TENM4: variants seen among roughly 807,000 people sequenced by gnomAD.
The protein encoded by TENM4 is teneurin transmembrane protein 4, also known as teneurin-4.
In TENM4, 82 loss-of-function variants were observed where a neutral mutation model predicts 243.3. The observed-to-expected ratio is 0.34, with a 90% CI of 0.28 to 0.40. The LOEUF (loss-of-function observed/expected upper bound fraction) is 0.40. Ranked by LOEUF, TENM4 falls within the 10% of genes least tolerant of loss-of-function variation. The pLI is 1.00. For synonymous variants in TENM4, 1,412 were observed against 1,456.3 expected, an observed-to-expected ratio of 0.97 and a Z score of 0.69; for missense variants, 3,138 against 3,673.3, an observed-to-expected ratio of 0.85 and a Z score of 3.77.
intron 6 of TENM4, among the ~76,000 whole-genome samples, chr11:78,937,691 C>G (rs1399988174): frequency 6.6e-6 from 1 of 152,146 alleles, no homozygotes; most frequent in Admixed American, 6.5e-5. Context: ...ACTACCAAGC[C>G]AAAACGAAGC....
intron 33 of TENM4, 127 bp downstream of exon 33, chr11:78,661,322 C>G (rs1046302770): frequency 7.9e-7 from 1 of 1,265,068 alleles, no homozygotes; most frequent in African/African-American, 1.5e-5. Context: ...TGAACAACCT[C>G]TGGCAGGCAC....
rs201804485 is a variant in TENM4, at chr11:79,213,994, A to ATT, written c.-163+1813_-163+1814insAA. Among the ~76,000 whole-genome samples, 11 of 129,372 alleles carry ATT rather than the reference A, an allele frequency of 8.5e-5. No homozygotes were observed. In the Middle Eastern group the frequency reaches 0.012, roughly 141 times the overall value. 84.9% of individuals were successfully genotyped at this position (129,372 alleles called of 152,430 possible). A position where few individuals can be genotyped will look rare whatever the true frequency, so the allele number is the denominator to read the frequency against. The stretch of plus-strand genomic sequence containing the variant: ...GTCCTTCTAAAGAAAGCAAAAAATA[A>ATT]ATTTTTTTTTTTTTTGAGGTGGAGT... On this transcript the variant is annotated intron_variant, in intron 3 of 33. Transcript: ENST00000278550.
At chr11:79,298,794 C>A (rs1321638774) in intron 1 of TENM4, among the ~76,000 whole-genome samples, 1 of 152,102 alleles carries the variant, frequency 6.6e-6, no homozygotes, top group African/African-American at 2.4e-5. Context: ...AATTTTGGTA[C>A]CCCATTCATA....
At chr11:78,709,784 A>G (rs1184241622) in intron 26 of TENM4, among the ~76,000 whole-genome samples, 1 of 152,164 alleles carries the variant, frequency 6.6e-6, no homozygotes, top group Non-Finnish European at 1.5e-5. Context: ...GAGGTTTTTC[A>G]ATATACACCT....
chr11:79,295,392 G>T (rs1856432086), intron 2 of TENM4, among the ~76,000 whole-genome samples: 1 of 152,112 alleles, frequency 6.6e-6, no homozygotes, highest in Non-Finnish European at 1.5e-5. Context: ...TAAAGGAAAG[G>T]GTTTGCACAC....
At chr11:79,378,524 C>T (rs570783986) in intron 1 of TENM4, among the ~76,000 whole-genome samples, 1 of 152,280 alleles carries the variant, frequency 6.6e-6, no homozygotes, top group African/African-American at 2.4e-5. Flanking sequence ...GGGGGCATGC[C>T]TTGCTCTGAA....
intron 2 of TENM4, among the ~76,000 whole-genome samples, chr11:79,268,904 G>C (rs1855923470): frequency 6.6e-6 from 1 of 152,212 alleles, no homozygotes; most frequent in South Asian, 2.1e-4. Context: ...GTATGTGCTA[G>C]ATAAGCTTCA....
intron 3 of TENM4, among the ~76,000 whole-genome samples, chr11:79,213,738 T>C (rs1011443831): frequency 1.3e-5 from 2 of 152,094 alleles, no homozygotes; most frequent in Non-Finnish European, 2.9e-5. Context: ...TTAGATGGGG[T>C]GGAGGTCTAG....
intron 1 of TENM4, among the ~76,000 whole-genome samples, chr11:79,301,957 T>C (rs761297538): frequency 3.9e-5 from 6 of 152,188 alleles, no homozygotes; most frequent in African/African-American, 1.4e-4. Flanking sequence ...CTCTTTTCTT[T>C]ATAAATTACG....
chr11:78,657,898 T>C lies in TENM4; in HGVS notation c.*160A>G, dbSNP rs143565485. ...ATGTGCGAAGGCCAAATCTGTGTTT[T>C]TCTTTTCTAAAAAAAAGGATGTTGC... On this transcript the variant is annotated 3_prime_UTR_variant, in exon 34 of 34. Coordinates refer to ENST00000278550, the MANE Select transcript of TENM4 (RefSeq NM_001098816.3). The C allele has an allele frequency of 6.9e-4, 838 of 1,212,420 alleles. 7 individuals are homozygous for C. The African/African-American group carries it at 0.011, about 16-fold the overall frequency. The allele number at this position is 1,212,420 out of a possible 1,614,324, so 75.1% of individuals were successfully genotyped here. A position where few individuals can be genotyped will look rare whatever the true frequency, so the allele number is the denominator to read the frequency against.
chr11:78,744,889 C>T (rs1856010949), intron 19 of TENM4, among the ~76,000 whole-genome samples: 1 of 152,170 alleles, frequency 6.6e-6, no homozygotes, highest in African/African-American at 2.4e-5. Context: ...TCTTAGTTAA[C>T]TTTTTGTTCA....
chr11:79,413,801 G>A (rs1565336475), intron 1 of TENM4, among the ~76,000 whole-genome samples: 1 of 152,126 alleles, frequency 6.6e-6, no homozygotes. Context: ...TTGTGGTTAT[G>A]TAGAAGAATG....
intron 15 of TENM4, among the ~76,000 whole-genome samples, chr11:78,801,955 C>T (rs1857289429): frequency 6.6e-6 from 1 of 152,162 alleles, no homozygotes; most frequent in Non-Finnish European, 1.5e-5. Context: ...ACCTAATCCT[C>T]ACAGTGATTC....
chr11:79,252,482 C>G (rs1034791521), intron 2 of TENM4, among the ~76,000 whole-genome samples: 5 of 152,196 alleles, frequency 3.3e-5, no homozygotes, highest in Non-Finnish European at 7.3e-5. Flanking sequence ...CGTGATCCGC[C>G]CGCCTCGGCC....
Position 79,238,360 on chromosome 11 carries a change from C to T in TENM4, c.-264-22451G>A, listed in dbSNP as rs147093149. On this transcript the variant is annotated intron_variant, in intron 2 of 33. Coordinates refer to ENST00000278550, the MANE Select transcript of TENM4 (RefSeq NM_001098816.3). ...TCTGGGAGAGATTGGAGACCCCCCT[C>T]AACAATGTGTGTGGGCAGCACTCCG... 3.1e-3 allele frequency among the ~76,000 whole-genome samples: 478 copies of T among 152,234 alleles called. 8 individuals carry two copies. Among genetic ancestry groups the T allele is most frequent in the African/African-American group, 0.011 (463 of 41,530 alleles).
At chr11:79,345,394 T>C (rs1590895995) in intron 1 of TENM4, among the ~76,000 whole-genome samples, 1 of 152,234 alleles carries the variant, frequency 6.6e-6, no homozygotes, top group African/African-American at 2.4e-5. Flanking sequence ...ATGCTACTAG[T>C]GTCATTAAAT....
At chr11:78,917,732 CT>C (rs1416591128) in intron 6 of TENM4, among the ~76,000 whole-genome samples, 1 of 152,156 alleles carries the variant, frequency 6.6e-6, no homozygotes, top group African/African-American at 2.4e-5. Flanking sequence ...AGGCCACTGT[CT>C]TTCCATTTCA....
intron 2 of TENM4, among the ~76,000 whole-genome samples, chr11:79,297,148 G>C (rs1856468706): frequency 6.6e-6 from 1 of 152,186 alleles, no homozygotes; most frequent in Non-Finnish European, 1.5e-5. Flanking sequence ...CTATTGAAGG[G>C]AGAGTGAGTG....
intron 6 of TENM4, among the ~76,000 whole-genome samples, chr11:78,991,391 C>T (rs1226621673): frequency 6.6e-6 from 1 of 152,116 alleles, no homozygotes. Context: ...AGAAAGGGAG[C>T]TTTCTCTGAG....
Sources: gnomAD v4.1 joint callset for allele counts (sites outside exome capture counted in the v4.1 genomes callset) on GRCh38, gnomAD v4.1.1 for gene constraint, MANE v1.5 for transcripts, NCBI Gene and HGNC (gene_info 2026-07-23, HGNC 2026-07-21) for gene names.